The following HERC3 variants were observed in gnomAD, a reference collection of about 807,000 sequenced individuals.
The protein encoded by HERC3 is HECT and RLD domain containing E3 ubiquitin protein ligase 3.
HERC3 carries 58 observed loss-of-function variants against 129.9 expected under a neutral mutation model. That is an observed-to-expected ratio of 0.45 (90% CI 0.36 to 0.56). HERC3 has a LOEUF of 0.56. Ranked by LOEUF, HERC3 falls within the 20% of genes least tolerant of loss-of-function variation. The probability of loss-of-function intolerance (pLI) is 0.00; values close to 1 mark genes in which losing one functional copy is unlikely to be tolerated. For missense variants in HERC3, 835 were observed against 1,244.2 expected, an observed-to-expected ratio of 0.67 and a Z score of 4.95; for synonymous variants, 430 against 451.0, an observed-to-expected ratio of 0.95 and a Z score of 0.59.
At chr4:88,598,442 C>T (rs757397433) in intron 2 of HERC3, among the ~76,000 whole-genome samples, 1 of 152,214 alleles carries the variant, frequency 6.6e-6, no homozygotes, top group Non-Finnish European at 1.5e-5. Flanking sequence ...TGCTACTTTG[C>T]TGTAGTGCAG....
intron 23 of HERC3, among the ~76,000 whole-genome samples, chr4:88,689,728 C>T (rs906029693): frequency 2.0e-5 from 3 of 152,132 alleles, no homozygotes; most frequent in African/African-American, 2.4e-5. Context: ...CAGGCGTGTA[C>T]CACCATGCCT....
chr4:88,526,439 A>G, the HERC3 span, among the ~76,000 whole-genome samples: 1 of 152,370 alleles, frequency 6.6e-6, no homozygotes, highest in Admixed American at 6.5e-5. Flanking sequence ...TAGTATTTGA[A>G]CTAACATTTA....
At position 88,637,425 on chromosome 4, in the gene HERC3, C is replaced by CCAAACAAA. The variant is rs113033783; in HGVS notation, c.227-12402_227-12395dup. On this transcript the variant is annotated intron_variant, in intron 3 of 25. Transcript: ENST00000402738. Reference sequence around the variant, plus strand: ...TGGGCCACAGAGTGAGACTCTGTCTCCAAACAAACAAACAAACAAAAAGCC... The same window carrying CCAAACAAA: ...TGGGCCACAGAGTGAGACTCTGTCTCCAAACAAACAAACAAACAAACAAACAAAAAGCC... 2.0e-5 allele frequency among the ~76,000 whole-genome samples: 3 copies of CCAAACAAA among 151,952 alleles called. No individual in the cohort carries two copies. In the South Asian group the frequency reaches 6.2e-4, roughly 32 times the overall value.
At chr4:88,587,740 T>G (rs1276915530), upstream of HERC3, among the ~76,000 whole-genome samples, 1 of 152,226 alleles carries the variant, frequency 6.6e-6, no homozygotes, top group Admixed American at 6.5e-5. Flanking sequence ...ACAAGTAAAT[T>G]TTGGAAGACT....
chr4:88,618,581 G>C (rs1262200321), intron 3 of HERC3, among the ~76,000 whole-genome samples: 2 of 152,142 alleles, frequency 1.3e-5, no homozygotes, highest in Non-Finnish European at 2.9e-5. Context: ...ATGTGATTAG[G>C]AGTGGGAAGG....
At position 88,644,108 on chromosome 4, in the gene HERC3, A is replaced by G. The variant is rs1272773793; in HGVS notation, c.227-5732A>G. 3.3e-5 allele frequency among the ~76,000 whole-genome samples: 5 copies of G among 152,188 alleles called. No homozygotes were observed. In the East Asian group the frequency reaches 9.6e-4, roughly 29 times the overall value. On this transcript the variant is annotated intron_variant, in intron 3 of 25. Coordinates refer to ENST00000402738, the MANE Select transcript of HERC3 (RefSeq NM_014606.3). ...CCATTATACTTGTTAGAATGGGTAA[A>G]ATTAAATACTGATAATAGCAAGTGT...
chr4:88,650,428 A>G (rs1413504425), intron 4 of HERC3, among the ~76,000 whole-genome samples: 1 of 152,240 alleles, frequency 6.6e-6, no homozygotes, highest in African/African-American at 2.4e-5. Context: ...CAGCTAAAAT[A>G]CCAGATATAC....
At chr4:88,640,901 T>C (rs148565214) in intron 3 of HERC3, among the ~76,000 whole-genome samples, 5 of 152,302 alleles carry the variant, frequency 3.3e-5, no homozygotes, top group African/African-American at 1.2e-4. Flanking sequence ...TTTTTTGTGA[T>C]AAATAGAACT....
At chr4:88,533,067 C>A in the HERC3 span, among the ~76,000 whole-genome samples, 13 of 152,196 alleles carry the variant, frequency 8.5e-5, no homozygotes, top group Non-Finnish European at 1.8e-4. Context: ...AAGCCGACAG[C>A]GCAGCCTTCA....
chr4:88,523,975 G>GT, the HERC3 span: 2 of 448,944 alleles, frequency 4.5e-6, no homozygotes, highest in African/African-American at 2.1e-5. Flanking sequence ...CTAAACCAGT[G>GT]TTTAAGTCAA....
At chr4:88,656,363 C>T (rs1729902030) in intron 9 of HERC3, 3 of 235,272 alleles carry the variant, frequency 1.3e-5, no homozygotes, top group Admixed American at 1.0e-4. Flanking sequence ...CAGCCATCTG[C>T]TTGGCTTCTG....
chr4:88,532,163 G>A, the HERC3 span, among the ~76,000 whole-genome samples: 1 of 152,040 alleles, frequency 6.6e-6, no homozygotes, highest in Admixed American at 6.6e-5. Context: ...AAGAATAGTG[G>A]CCTGAAACAC....
upstream of HERC3, among the ~76,000 whole-genome samples, chr4:88,589,996 G>A (rs961538921): frequency 1.3e-5 from 2 of 152,110 alleles, no homozygotes; most frequent in African/African-American, 4.8e-5. Context: ...CGGCCGGCAC[G>A]GAGGCTCACG....
chr4:88,619,897 G>T (rs974499613), intron 3 of HERC3, among the ~76,000 whole-genome samples: 2 of 152,160 alleles, frequency 1.3e-5, no homozygotes, highest in East Asian at 3.9e-4. Context: ...CATTTGATTG[G>T]CAAGAAATTT....
At chr4:88,582,787 C>T in the HERC3 span, among the ~76,000 whole-genome samples, 1 of 152,150 alleles carries the variant, frequency 6.6e-6, no homozygotes, top group African/African-American at 2.4e-5. Flanking sequence ...TGCCACCTTC[C>T]CTAGAGCACA....
chr4:88,650,446 C>G (rs1328775976), intron 4 of HERC3, among the ~76,000 whole-genome samples: 1 of 152,170 alleles, frequency 6.6e-6, no homozygotes, highest in African/African-American at 2.4e-5. Flanking sequence ...TACATAGATT[C>G]TTTAATGCAA....
intron 23 of HERC3, among the ~76,000 whole-genome samples, chr4:88,688,047 G>C (rs1354600821): frequency 6.6e-6 from 1 of 152,230 alleles, no homozygotes; most frequent in East Asian, 1.9e-4. Flanking sequence ...TTTGGGATTA[G>C]TTGAGAAGGG....
chr4:88,691,068 AT>A (rs754447744), intron 23 of HERC3, among the ~76,000 whole-genome samples: 6 of 152,178 alleles, frequency 3.9e-5, no homozygotes, highest in Non-Finnish European at 5.9e-5. Context: ...GCCTACTAAG[AT>A]TTGGATACTA....
intron 16 of HERC3, among the ~76,000 whole-genome samples, chr4:88,673,822 C>A (rs147537875): frequency 6.6e-6 from 1 of 152,108 alleles, no homozygotes; most frequent in Non-Finnish European, 1.5e-5. Context: ...TATAAGCAGA[C>A]CTTTGCTACA....
Sources: allele counts gnomAD v4.1 joint callset (sites outside exome capture counted in the v4.1 genomes callset), GRCh38; gene constraint gnomAD v4.1.1; transcripts MANE v1.5; gene names NCBI Gene and HGNC (gene_info 2026-07-23, HGNC 2026-07-21).